The following ZEB1 variants were observed in gnomAD, a reference collection of about 807,000 sequenced individuals.
ZEB1 encodes the protein zinc finger E-box-binding homeobox 1.
In ZEB1, 21 loss-of-function variants were observed where a neutral mutation model predicts 84.9. The observed-to-expected ratio is 0.25, with a 90% CI of 0.18 to 0.36. ZEB1 has a LOEUF of 0.36. ZEB1 is among the 10% of genes least tolerant of loss of function. The pLI is 1.00. For synonymous variants in ZEB1, 420 were observed against 471.1 expected, an observed-to-expected ratio of 0.89 and a Z score of 1.41; for missense variants, 1,104 against 1,330.2, an observed-to-expected ratio of 0.83 and a Z score of 2.65.
intron 2 of ZEB1, among the ~76,000 whole-genome samples, chr10:31,475,513 A>G (rs1434621046): frequency 6.6e-6 from 1 of 152,210 alleles, no homozygotes; most frequent in Non-Finnish European, 1.5e-5. Context: ...TTCAAAGTCA[A>G]TATGAAAGAA....
chr10:31,529,198 C>G lies in ZEB1; in HGVS notation c.*1934C>G, dbSNP rs1434897567. On this transcript the variant is annotated 3_prime_UTR_variant, in exon 9 of 9. Coordinates refer to ENST00000424869, the MANE Select transcript of ZEB1 (RefSeq NM_001174096.2). ...CTCACAATAAAATGCATCAACAAGC[C>G]TGAACTGCTGTCATTCTTTTCATCA... 1.3e-5 allele frequency: 2 copies of G among 152,144 alleles called. No homozygotes were observed. Among genetic ancestry groups the G allele is most frequent in the African/African-American group, 4.8e-5 (2 of 41,416 alleles). The allele number at this position is 152,144 out of a possible 1,614,324, so 9.4% of individuals were successfully genotyped here.
At chr10:31,322,478 T>A (rs1312616033) in intron 1 of ZEB1, among the ~76,000 whole-genome samples, 1 of 152,216 alleles carries the variant, frequency 6.6e-6, no homozygotes, top group Non-Finnish European at 1.5e-5. Flanking sequence ...TTCTGTAAAA[T>A]ATTTTAATTT....
intron 1 of ZEB1, chr10:31,389,607 A>T (rs2049249872): frequency 6.6e-6 from 1 of 151,862 alleles, no homozygotes; most frequent in Non-Finnish European, 1.5e-5. Context: ...TTTTTTAGAG[A>T]TGGGACAACA....
At chr10:31,327,146 T>C (rs2035725604) in intron 1 of ZEB1, among the ~76,000 whole-genome samples, 1 of 149,550 alleles carries the variant, frequency 6.7e-6, no homozygotes, top group Non-Finnish European at 1.5e-5. Flanking sequence ...GTTTGACTCT[T>C]GTCACCCAGG....
At chr10:31,407,419 A>G (rs2135656699) in intron 1 of ZEB1, among the ~76,000 whole-genome samples, 1 of 152,120 alleles carries the variant, frequency 6.6e-6, no homozygotes, top group East Asian at 1.9e-4. Context: ...TACAAAGGAC[A>G]TGACCTCATC....
At chr10:31,394,267 A>T (rs1011846078) in intron 1 of ZEB1, among the ~76,000 whole-genome samples, 1 of 152,202 alleles carries the variant, frequency 6.6e-6, no homozygotes, top group African/African-American at 2.4e-5. Context: ...GATAAAAGAC[A>T]CGGAGAGAGG....
chr10:31,352,611 T>C (rs1335118196), intron 1 of ZEB1, among the ~76,000 whole-genome samples: 1 of 152,178 alleles, frequency 6.6e-6, no homozygotes, highest in Non-Finnish European at 1.5e-5. Flanking sequence ...CTTACATAGC[T>C]GGCAGTGGAT....
chr10:31,369,989 G>A (rs571892536), intron 1 of ZEB1, among the ~76,000 whole-genome samples: 1 of 152,178 alleles, frequency 6.6e-6, no homozygotes, highest in South Asian at 2.1e-4. Flanking sequence ...GTACTAGTTG[G>A]CCATTTGTGT....
At chr10:31,429,288 GA>G (rs1248285082) in intron 1 of ZEB1, among the ~76,000 whole-genome samples, 1 of 152,142 alleles carries the variant, frequency 6.6e-6, no homozygotes, top group Non-Finnish European at 1.5e-5. Context: ...TTGCTTGTCT[GA>G]AAAGGATCTT....
chr10:31,405,685 A>G (rs1020606125), intron 1 of ZEB1, among the ~76,000 whole-genome samples: 2 of 151,740 alleles, frequency 1.3e-5, no homozygotes, highest in Non-Finnish European at 2.9e-5. Flanking sequence ...TTAAAGTGGA[A>G]CGTGTTTCTA....
chr10:31,434,059 A>T (rs936026843), intron 1 of ZEB1, among the ~76,000 whole-genome samples: 19 of 152,218 alleles, frequency 1.2e-4, no homozygotes, highest in African/African-American at 4.6e-4. Context: ...TATAAAAATA[A>T]AAGTAGGAAA....
Position 31,495,758 on chromosome 10 carries a change from TTTC to T in ZEB1, c.260-12_260-10del. Reference sequence around the variant, plus strand: ...TAGGAACACTATAGATCTATTTTAATTTCTTCTTTGATTTCAGCAGGAAAGGAA... The same window carrying T: ...TAGGAACACTATAGATCTATTTTAATTTCTTTGATTTCAGCAGGAAAGGAA... On this transcript the variant is annotated splice_polypyrimidine_tract_variant and intron_variant, in intron 2 of 8. Coordinates refer to ENST00000424869, the MANE Select transcript of ZEB1 (RefSeq NM_001174096.2). The T allele has an allele frequency of 6.2e-7, 1 of 1,612,540 alleles. No homozygotes were observed. The highest frequency in any genetic ancestry group is 2.2e-5 in the East Asian group (1 of 44,820).
intron 1 of ZEB1, among the ~76,000 whole-genome samples, chr10:31,322,751 CTTTT>C (rs34285204): frequency 6.9e-6 from 1 of 145,524 alleles, no homozygotes; most frequent in African/African-American, 2.5e-5. Flanking sequence ...CTTGTTCTAC[CTTTT>C]TTTTTTTTGA....
chr10:31,495,655 A>G, intron 2 of ZEB1, 121 bp from the exon 3 acceptor site: 2 of 927,824 alleles, frequency 2.2e-6, no homozygotes, highest in Non-Finnish European at 3.5e-6. Context: ...ATATTTTGAT[A>G]CATGTATACA....
chr10:31,495,031 A>G (rs182796432), intron 2 of ZEB1, among the ~76,000 whole-genome samples: 234 of 152,178 alleles, frequency 1.5e-3, no homozygotes, highest in African/African-American at 4.7e-3. Flanking sequence ...CATTTGGTCC[A>G]GTCATCTTTC....
chr10:31,422,315 A>T (rs1019963615), intron 1 of ZEB1, among the ~76,000 whole-genome samples: 5 of 152,158 alleles, frequency 3.3e-5, no homozygotes, highest in Non-Finnish European at 5.9e-5. Flanking sequence ...GAAAGTAGGA[A>T]TTATCATCTC....
chr10:31,525,536 A>G (rs2073267029), intron 8 of ZEB1, among the ~76,000 whole-genome samples: 1 of 152,110 alleles, frequency 6.6e-6, no homozygotes, highest in Non-Finnish European at 1.5e-5. Context: ...TCTCTCTAAC[A>G]TGGGTTGCTG....
intron 1 of ZEB1, among the ~76,000 whole-genome samples, chr10:31,402,093 T>C (rs2052138329): frequency 6.6e-6 from 1 of 150,876 alleles, no homozygotes; most frequent in African/African-American, 2.5e-5. Context: ...GTCAGTATTT[T>C]GTTGTTGTTG....
intron 2 of ZEB1, among the ~76,000 whole-genome samples, chr10:31,480,738 CCAAT>C (rs2064939457): frequency 6.6e-6 from 1 of 152,018 alleles, no homozygotes; most frequent in African/African-American, 2.4e-5. Flanking sequence ...CTTTAAAAAA[CCAAT>C]CAAACAAATT....
Sources: allele counts gnomAD v4.1 joint callset (sites outside exome capture counted in the v4.1 genomes callset), GRCh38; gene constraint gnomAD v4.1.1; transcripts MANE v1.5; gene names NCBI Gene and HGNC (gene_info 2026-07-23, HGNC 2026-07-21).